The following FAM107B variants were observed in gnomAD, a reference collection of about 807,000 sequenced individuals.
The protein encoded by FAM107B is protein FAM107B.
Under a neutral mutation model 31.5 loss-of-function variants are expected in FAM107B, and 21 were observed. The ratio of observed to expected loss-of-function variants is 0.67; its 90% CI spans 0.47 to 0.96. FAM107B has a LOEUF of 0.96. FAM107B is among the 40% of genes least tolerant of loss of function. FAM107B has a pLI of 0.00. For synonymous variants in FAM107B, 157 were observed against 141.5 expected (o/e 1.11, Z -0.78); for missense variants, 452 against 377.1 (o/e 1.20, Z -1.64).
intron 3 of FAM107B, chr10:14,522,319 C>T (rs1564517350): frequency 6.9e-6 from 2 of 290,558 alleles, no homozygotes; most frequent in East Asian, 1.5e-4. Flanking sequence ...GATGTGCGTA[C>T]GATGACTGTG....
intron 1 of FAM107B, among the ~76,000 whole-genome samples, chr10:14,741,186 A>G (rs556595750): frequency 6.6e-6 from 1 of 152,254 alleles, no homozygotes; most frequent in South Asian, 2.1e-4. Context: ...TGGGCTACAG[A>G]AAGAGGAATG....
chr10:14,587,130 C>T (rs1588636454), intron 2 of FAM107B, among the ~76,000 whole-genome samples: 1 of 152,116 alleles, frequency 6.6e-6, no homozygotes, highest in African/African-American at 2.4e-5. Context: ...TGATAATAGT[C>T]ACACTGCAGA....
intron 1 of FAM107B, among the ~76,000 whole-genome samples, chr10:14,765,242 T>C (rs369296480): frequency 1.3e-5 from 2 of 152,244 alleles, no homozygotes; most frequent in African/African-American, 4.8e-5. Flanking sequence ...TCATCTTTTA[T>C]GTCTTAGCTT....
intron 2 of FAM107B, among the ~76,000 whole-genome samples, chr10:14,558,274 TGCACGCACACACACACATACACGCACAC>T (rs1175610879): frequency 2.0e-5 from 3 of 151,844 alleles, no homozygotes; most frequent in South Asian, 2.1e-4. Flanking sequence ...CACACATACG[TGCACGCACACACACACATACACGCACAC>T]ACGCACACAC....
chr10:14,713,237 A>C (rs1424552060), intron 1 of FAM107B, among the ~76,000 whole-genome samples: 1 of 152,236 alleles, frequency 6.6e-6, no homozygotes, highest in African/African-American at 2.4e-5. Flanking sequence ...CCCTTGACCC[A>C]GCAATTCCAT....
chr10:14,538,794 T>C (rs1847893723), intron 2 of FAM107B, among the ~76,000 whole-genome samples: 1 of 152,216 alleles, frequency 6.6e-6, no homozygotes, highest in African/African-American at 2.4e-5. Flanking sequence ...ATTTCATCCA[T>C]AGTCCATGGG....
At chr10:14,591,400 A>G (rs1852015097) in intron 2 of FAM107B, among the ~76,000 whole-genome samples, 1 of 152,236 alleles carries the variant, frequency 6.6e-6, no homozygotes, top group Non-Finnish European at 1.5e-5. Context: ...CTTTAATAAC[A>G]GGAGGCGCTC....
intron 2 of FAM107B, among the ~76,000 whole-genome samples, chr10:14,598,158 G>A (rs941642993): frequency 6.6e-6 from 1 of 152,072 alleles, no homozygotes; most frequent in Non-Finnish European, 1.5e-5. Context: ...TTCCTTTGCT[G>A]TGCAGAAGCT....
intron 1 of FAM107B, among the ~76,000 whole-genome samples, chr10:14,737,792 C>CTCTCTCTT (rs1554754696): frequency 2.6e-5 from 4 of 151,328 alleles, no homozygotes; most frequent in African/African-American, 9.7e-5. Flanking sequence ...CTCTCTCTCT[C>CTCTCTCTT]TCTCTCTCCT....
Position 14,761,095 on chromosome 10 carries a change from A to C in FAM107B, c.411+13158T>G, listed in dbSNP as rs950887917. 2.0e-5 allele frequency among the ~76,000 whole-genome samples: 3 copies of C among 152,078 alleles called. No homozygotes were observed. The South Asian group carries it at 6.2e-4, about 32-fold the overall frequency. ...TGAGAAAAAAGTAATTAATTTAATC[A>C]GGAACACATAATTTCAAATAAAATC... On this transcript the variant is annotated intron_variant, in intron 1 of 4. Coordinates refer to ENST00000181796, the MANE Select transcript of FAM107B (RefSeq NM_031453.4).
intron 1 of FAM107B, among the ~76,000 whole-genome samples, chr10:14,714,395 C>T (rs1015547174): frequency 2.0e-5 from 3 of 152,182 alleles, no homozygotes; most frequent in African/African-American, 7.2e-5. Flanking sequence ...CTGGCAGAGG[C>T]CTTGGCTCAG....
chr10:14,686,149 G>A (rs2131501953), intron 1 of FAM107B, among the ~76,000 whole-genome samples: 1 of 152,240 alleles, frequency 6.6e-6, no homozygotes, highest in South Asian at 2.1e-4. Flanking sequence ...AGCACTTTGG[G>A]AGGCCGAGGT....
rs147725099 is a variant in FAM107B at position 14,591,940 on chromosome 10, T to A, written c.470-61425A>T. ...TGATTCCTTCAACAAGTCAATAGCA[T>A]GGGGGGAAGGGGTGGGGGTAAAGGA... On this transcript the variant is annotated intron_variant, in intron 2 of 4. Transcript: ENST00000181796. Among the ~76,000 whole-genome samples, 954 of 147,178 alleles carry A rather than the reference T, an allele frequency of 6.5e-3. 10 individuals carry two copies. The highest frequency in any genetic ancestry group is 0.023 in the African/African-American group (922 of 39,566).
chr10:14,594,177 C>T (rs1252149358), intron 2 of FAM107B, among the ~76,000 whole-genome samples: 1 of 152,110 alleles, frequency 6.6e-6, no homozygotes, highest in Non-Finnish European at 1.5e-5. Flanking sequence ...CATCTCCATA[C>T]GGTAATGCCA....
intron 2 of FAM107B, among the ~76,000 whole-genome samples, chr10:14,562,579 AT>A: frequency 6.6e-6 from 1 of 152,364 alleles, no homozygotes; most frequent in South Asian, 2.1e-4. Flanking sequence ...AAAACAGATG[AT>A]CATCAAATTT....
chr10:14,540,324 G>A (rs1030636045), intron 2 of FAM107B, among the ~76,000 whole-genome samples: 2 of 152,136 alleles, frequency 1.3e-5, no homozygotes, highest in South Asian at 2.1e-4. Context: ...TGTCCCCAAG[G>A]GCTGTGATCC....
At position 14,731,160 on chromosome 10, in the gene FAM107B, T is replaced by C. The variant is rs1323552886; in HGVS notation, c.411+43093A>G. The stretch of plus-strand genomic sequence containing the variant: ...TCCAACAATCCATTGGTCCATTTAT[T>C]GAGTACCTAGGTGTCAATACTAAAA... On this transcript the variant is annotated intron_variant, in intron 1 of 4. Coordinates refer to ENST00000181796, the MANE Select transcript of FAM107B (RefSeq NM_031453.4). Among the ~76,000 whole-genome samples the C allele has an allele frequency of 2.0e-5, 3 of 152,322 alleles. No individual in the cohort carries two copies. In the South Asian group the frequency reaches 6.2e-4, roughly 32 times the overall value.
At chr10:14,570,138 A>C (rs1011640487) in intron 2 of FAM107B, among the ~76,000 whole-genome samples, 1 of 152,194 alleles carries the variant, frequency 6.6e-6, no homozygotes, top group Non-Finnish European at 1.5e-5. Flanking sequence ...GAATGCATAC[A>C]AGGTAATTGA....
At chr10:14,719,411 AT>A (rs1252756948) in intron 1 of FAM107B, among the ~76,000 whole-genome samples, 11 of 152,282 alleles carry the variant, frequency 7.2e-5, no homozygotes, top group African/African-American at 2.6e-4. Flanking sequence ...GCCTTTAATG[AT>A]TTTTTTCATC....
Sources: allele counts gnomAD v4.1 joint callset (sites outside exome capture counted in the v4.1 genomes callset), GRCh38; gene constraint gnomAD v4.1.1; transcripts MANE v1.5; gene names NCBI Gene and HGNC (gene_info 2026-07-23, HGNC 2026-07-21).